DPP6: variants seen among roughly 807,000 people sequenced by gnomAD.
DPP6 encodes the protein dipeptidyl peptidase like 6.
In DPP6, 69 loss-of-function variants were observed where a neutral mutation model predicts 122.6. The observed-to-expected ratio is 0.56, with a 90% confidence interval of 0.46 to 0.69. The LOEUF (loss-of-function observed/expected upper bound fraction) is 0.69, where lower values mean the gene tolerates loss of function less well. Ranked by LOEUF, DPP6 falls within the 30% of genes least tolerant of loss-of-function variation. The probability of loss-of-function intolerance (pLI) is 0.00; values close to 1 mark genes in which losing one functional copy is unlikely to be tolerated. For synonymous variants in DPP6, 418 were observed against 433.1 expected (o/e 0.97, Z 0.43); for missense variants, 928 against 1,116.9 (o/e 0.83, Z 2.41).
At chr7:153,803,854 C>CAT in the DPP6 span, among the ~76,000 whole-genome samples, 3,423 of 150,982 alleles carry the variant, frequency 0.023, 124 homozygotes, top group African/African-American at 0.079. Context: ...CACACACACA[C>CAT]ATATATATAT....
chr7:154,430,902 TAA>T (rs573423071), intron 1 of DPP6, among the ~76,000 whole-genome samples: 2,064 of 32,964 alleles, frequency 0.063, 41 homozygotes, highest in African/African-American at 0.086. Flanking sequence ...TTTCTTTCGT[TAA>T]GTTAAGTCTT....
the DPP6 span, among the ~76,000 whole-genome samples, chr7:153,806,135 G>A: frequency 6.6e-6 from 1 of 151,862 alleles, no homozygotes; most frequent in East Asian, 1.9e-4. Flanking sequence ...GAACATTAAG[G>A]TGCCTTTGGG....
At chr7:153,799,252 A>G in the DPP6 span, among the ~76,000 whole-genome samples, 1,625 of 152,332 alleles carry the variant, frequency 0.011, 33 homozygotes, top group African/African-American at 0.037. Flanking sequence ...TGACTCTTCC[A>G]TGGTATCTTT....
intron 1 of DPP6, among the ~76,000 whole-genome samples, chr7:154,245,633 C>A (rs1374509806): frequency 3.3e-5 from 1 of 30,208 alleles, no homozygotes. Flanking sequence ...GTAAGACTGT[C>A]TCAAAAAAAA....
chr7:154,138,294 T>A (rs1325543993), intron 1 of DPP6, among the ~76,000 whole-genome samples: 1 of 152,216 alleles, frequency 6.6e-6, no homozygotes, highest in Non-Finnish European at 1.5e-5. Context: ...TTATGTAAAG[T>A]AGACACTTAA....
intron 6 of DPP6, among the ~76,000 whole-genome samples, chr7:154,664,162 G>A (rs4960583): frequency 0.09 from 13,356 of 148,496 alleles, 2,814 homozygotes; most frequent in East Asian, 0.19. Context: ...TATAGTCATG[G>A]TGAATCACTA....
intron 7 of DPP6, among the ~76,000 whole-genome samples, chr7:154,695,566 G>T (rs1425302631): frequency 6.6e-6 from 1 of 152,138 alleles, no homozygotes; most frequent in Non-Finnish European, 1.5e-5. Flanking sequence ...ATCACATAGT[G>T]ATTTGGTGTT....
At chr7:154,886,834 G>T (rs1464562240) in intron 22 of DPP6, among the ~76,000 whole-genome samples, 1 of 152,204 alleles carries the variant, frequency 6.6e-6, no homozygotes, top group African/African-American at 2.4e-5. Flanking sequence ...GCAGCCTCCT[G>T]GCTGGTGCAG....
At chr7:154,149,727 A>T (rs1157557473) in intron 1 of DPP6, among the ~76,000 whole-genome samples, 4 of 152,230 alleles carry the variant, frequency 2.6e-5, no homozygotes, top group African/African-American at 9.6e-5. Flanking sequence ...ATGAATCCCA[A>T]ATGTTATAGG....
In DPP6 at chr7:153,964,551, G is replaced by C. The variant is rs775896235; in HGVS notation, c.51+76817G>C. Among the ~76,000 whole-genome samples the C allele has an allele frequency of 2.0e-5, 3 of 148,744 alleles. No individual in the cohort carries two copies. The East Asian group carries it at 5.8e-4, about 29-fold the overall frequency. On this transcript the variant is annotated intron_variant, in intron 1 of 25. Transcript: ENST00000404039. ...CAGGAGGCCTGGCTCCAAACCCCAA[G>C]TCTGCACCCACTACCTGGGAGATGT...
chr7:154,611,491 T>C (rs946753012), intron 5 of DPP6, among the ~76,000 whole-genome samples: 6 of 152,226 alleles, frequency 3.9e-5, no homozygotes, highest in East Asian at 1.9e-4. Flanking sequence ...TTCTAGAAAT[T>C]TTTTCTTGCT....
At chr7:154,479,300 G>C (rs964740252) in intron 3 of DPP6, among the ~76,000 whole-genome samples, 1 of 152,150 alleles carries the variant, frequency 6.6e-6, no homozygotes, top group South Asian at 2.1e-4. Context: ...GCTCACGCCT[G>C]TAATCCCAGC....
intron 1 of DPP6, among the ~76,000 whole-genome samples, chr7:153,890,175 G>A (rs1799125773): frequency 6.6e-6 from 1 of 152,208 alleles, no homozygotes; most frequent in East Asian, 1.9e-4. Flanking sequence ...GTGGCAGAAT[G>A]TTTTCTACTT....
chr7:154,711,120 G>A (rs1479350831), intron 7 of DPP6, among the ~76,000 whole-genome samples: 9 of 152,316 alleles, frequency 5.9e-5, no homozygotes, highest in South Asian at 2.1e-4. Flanking sequence ...TAGGAAAGCC[G>A]CTATAATGTG....
Position 154,385,751 on chromosome 7 carries a change from C to T in DPP6, c.244-60463C>T, listed in dbSNP as rs549268568. On this transcript the variant is annotated intron_variant, in intron 1 of 25. Transcript: ENST00000377770. ...TCCTCAAAACAGTATCAGAATCTTA[C>T]GTACTCACTGGTCTCAGCGAGTATT... 3.3e-5 allele frequency among the ~76,000 whole-genome samples: 5 copies of T among 152,252 alleles called. 1 individual carries two copies. The highest frequency in any genetic ancestry group is 2.1e-4 in the South Asian group (1 of 4,826).
intron 1 of DPP6, among the ~76,000 whole-genome samples, chr7:154,187,359 A>C (rs28377528): frequency 6.6e-6 from 1 of 152,136 alleles, no homozygotes; most frequent in South Asian, 2.1e-4. Context: ...TATTGGAATC[A>C]CTGTTTTAAG....
chr7:154,390,347 C>A (rs1814508082), intron 1 of DPP6, among the ~76,000 whole-genome samples: 1 of 152,096 alleles, frequency 6.6e-6, no homozygotes, highest in Non-Finnish European at 1.5e-5. Context: ...GCAGCACCTG[C>A]AGGCCACAGG....
intron 1 of DPP6, among the ~76,000 whole-genome samples, chr7:154,106,121 G>A (rs1381525097): frequency 2.0e-5 from 3 of 151,620 alleles, no homozygotes; most frequent in African/African-American, 7.3e-5. Context: ...CTGCCTATGC[G>A]CCCTTGTTTC....
chr7:153,829,976 G>A, the DPP6 span, among the ~76,000 whole-genome samples: 1 of 152,216 alleles, frequency 6.6e-6, no homozygotes, highest in Non-Finnish European at 1.5e-5. Context: ...CACGAGGAGG[G>A]AAGCTGAGAT....
Sources: gnomAD v4.1 joint callset for allele counts (sites outside exome capture counted in the v4.1 genomes callset) on GRCh38, gnomAD v4.1.1 for gene constraint, MANE v1.5 for transcripts, NCBI Gene and HGNC (gene_info 2026-07-23, HGNC 2026-07-21) for gene names.